Variants in SERPINE3 observed in about 807,000 individuals in gnomAD.
SERPINE3 encodes serpin E3.
A neutral mutation model predicts 41.7 loss-of-function variants in SERPINE3; 43 were observed. The observed-to-expected ratio is 1.03, with a 90% CI of 0.81 to 1.33. The LOEUF is 1.33. Among genes scored for constraint, SERPINE3 ranks in the 40% most tolerant of loss-of-function variants. SERPINE3 has a pLI of 0.00. For missense variants in SERPINE3, 440 were observed against 491.7 expected (o/e 0.89, Z 0.99); for synonymous variants, 200 against 192.2 (o/e 1.04, Z -0.34).
At chr13:51,358,309 C>A (rs1955512217) in intron 7 of SERPINE3, among the ~76,000 whole-genome samples, 2 of 152,090 alleles carry the variant, frequency 1.3e-5, no homozygotes, top group African/African-American at 4.8e-5. Flanking sequence ...AAAGAAACAG[C>A]AAATGATATG....
intron 7 of SERPINE3, among the ~76,000 whole-genome samples, chr13:51,360,523 A>T (rs137983002): frequency 5.3e-5 from 8 of 152,172 alleles, no homozygotes; most frequent in African/African-American, 1.2e-4. Flanking sequence ...CTGTTTAAAA[A>T]TGGTTAATGA....
chr13:51,360,076 G>A (rs192873030), intron 7 of SERPINE3, among the ~76,000 whole-genome samples: 3 of 152,036 alleles, frequency 2.0e-5, no homozygotes, highest in Non-Finnish European at 2.9e-5. Flanking sequence ...TTACAAGATG[G>A]ATGGAATGCC....
At position 51,341,268 on chromosome 13, in the gene SERPINE3, C is replaced by T. The variant is rs1337837775; in HGVS notation, c.177C>T (p.Leu59=). Residue 59 remains leucine (L), a synonymous_variant, in exon 3 of 10, where the codon CTC becomes CTT. Transcript: ENST00000681248. ...TCATCTCTCCTGCTGGTGTGTCCCT[C>T]CCCCTGGAGATCCTGCAGTTTGGAG... ...NFVISPAGVS[L]PLEILQFGAE... 5.0e-6 allele frequency: 8 copies of T among 1,613,968 alleles called. No individual in the cohort carries two copies. The highest frequency in any genetic ancestry group is 6.8e-6 in the Non-Finnish European group (8 of 1,179,846).
At chr13:51,364,142 T>C (rs1027531477) in intron 9 of SERPINE3, 97 bp from the exon 10 acceptor site, 2 of 538,074 alleles carry the variant, frequency 3.7e-6, no homozygotes, top group East Asian at 3.2e-5. Flanking sequence ...AAATGTTATC[T>C]TGCATTACTT....
chr13:51,350,665 T>C (rs977520816), intron 6 of SERPINE3, among the ~76,000 whole-genome samples: 9 of 152,126 alleles, frequency 5.9e-5, no homozygotes, highest in Admixed American at 5.9e-4. Context: ...ATTATAAAAT[T>C]CACCATTTTA....
rs749290418 is a variant in SERPINE3 at position 51,341,052 on chromosome 13, C to A, written c.-17-23C>A. Reference sequence around the variant, plus strand: ...CATCACCAGCTTCCAGCCTACCCTGCATCTCTTCCCTCTGAATTGCAGGAA... The same window carrying A: ...CATCACCAGCTTCCAGCCTACCCTGAATCTCTTCCCTCTGAATTGCAGGAA... On this transcript the variant is annotated intron_variant, in intron 2 of 9. Coordinates refer to ENST00000681248, the MANE Select transcript of SERPINE3 (RefSeq NM_001386375.1). 3.1e-6 allele frequency: 5 copies of A among 1,601,512 alleles called. No homozygotes were observed. In the South Asian group the frequency reaches 5.6e-5, roughly 18 times the overall value.
At position 51,348,380 on chromosome 13, in the gene SERPINE3, A is replaced by C; in HGVS notation, c.868A>C (p.Arg290=). Residue 290 remains arginine (R), a synonymous_variant, in exon 6 of 10, where the codon AGG becomes CGG. Transcript: ENST00000681248. ...STIHLWTTSL[R]RARMDVFLPR... is the part of the protein sequence containing the mutation. ...CATCCACCTCTGGACCACCAGCCTG[A>C]GGAGAGCCAGGATGGATGTGTTCCT... The C allele has an allele frequency of 3.1e-6, 5 of 1,613,858 alleles. No individual in the cohort carries two copies.
intron 6 of SERPINE3, among the ~76,000 whole-genome samples, chr13:51,350,095 G>A (rs1955390079): frequency 6.6e-6 from 1 of 152,072 alleles, no homozygotes; most frequent in South Asian, 2.1e-4. Flanking sequence ...CTTTTAGTAT[G>A]ACTTGCTCTG....
intron 3 of SERPINE3, among the ~76,000 whole-genome samples, chr13:51,343,381 T>A (rs1454591259): frequency 6.6e-6 from 1 of 152,204 alleles, no homozygotes; most frequent in African/African-American, 2.4e-5. Flanking sequence ...GACTCACCAG[T>A]GGGCAAGAGC....
intron 4 of SERPINE3, among the ~76,000 whole-genome samples, chr13:51,345,592 CAAAAAAAAAAAA>C (rs753888958): frequency 5.4e-5 from 2 of 37,018 alleles, no homozygotes; most frequent in Admixed American, 3.1e-4. Context: ...GATTTCATCT[CAAAAAAAAAAAA>C]AAAAAAAAAA....
At chr13:51,361,430 G>C (rs1955572954) in intron 8 of SERPINE3, 66 bp downstream of exon 8, 2 of 958,994 alleles carry the variant, frequency 2.1e-6, no homozygotes, top group African/African-American at 3.2e-5. Context: ...TTACCTAGTT[G>C]AATCTTCACA....
intron 4 of SERPINE3, 22 bp downstream of exon 4, chr13:51,344,507 CA>C: frequency 6.5e-7 from 1 of 1,531,384 alleles, no homozygotes; most frequent in Non-Finnish European, 8.9e-7. Flanking sequence ...CTGTACATTT[CA>C]ACAAGGCTAA....
At chr13:51,362,012 C>T (rs538467855) in intron 9 of SERPINE3, 119 bp downstream of exon 9, 38 of 1,606,864 alleles carry the variant, frequency 2.4e-5, no homozygotes, top group Middle Eastern at 1.7e-4. Flanking sequence ...TTTTATGGTG[C>T]TTCAGAAGCT....
chr13:51,345,884 C>T (rs1041796958), intron 4 of SERPINE3, among the ~76,000 whole-genome samples: 2 of 152,192 alleles, frequency 1.3e-5, no homozygotes, highest in African/African-American at 4.8e-5. Flanking sequence ...CTCAGTTGCT[C>T]AGAGCACAGA....
Position 51,348,213 on chromosome 13 carries a change from G to A in SERPINE3, c.701G>A (p.Gly234Asp). The change falls in exon 6 of 10, where the codon GGT (glycine) becomes GAT (aspartate). Residue 234 changes from glycine (G) to aspartate (D), a missense_variant and splice_region_variant. Transcript: ENST00000681248. The stretch of plus-strand genomic sequence containing the variant: ...GACCTCTGATCCACTGTACCCTCAG[G>A]TCAGTTCCAGGACACTGCAGGCCAT... ...MMHQTTEVNY[G>D]QFQDTAGHQV... 5 of 1,581,498 alleles carry A rather than the reference G, an allele frequency of 3.2e-6. No homozygotes were observed. The South Asian group carries it at 4.6e-5, about 15-fold the overall frequency.
At chr13:51,343,395 C>A (rs529535531) in intron 3 of SERPINE3, among the ~76,000 whole-genome samples, 1 of 152,162 alleles carries the variant, frequency 6.6e-6, no homozygotes, top group Non-Finnish European at 1.5e-5. Flanking sequence ...CAAGAGCCCT[C>A]GTTCCAGCTA....
At chr13:51,344,552 C>A in intron 4 of SERPINE3, 67 bp downstream of exon 4, 3 of 1,314,872 alleles carry the variant, frequency 2.3e-6, no homozygotes, top group South Asian at 1.3e-5. Context: ...TCTCACCCAT[C>A]ACTTGTCAGA....
intron 6 of SERPINE3, among the ~76,000 whole-genome samples, chr13:51,352,569 T>A (rs1037515428): frequency 2.0e-5 from 3 of 152,018 alleles, no homozygotes; most frequent in Admixed American, 2.0e-4. Flanking sequence ...CTAACCTGGA[T>A]GCCTTCTATT....
intron 4 of SERPINE3, among the ~76,000 whole-genome samples, chr13:51,344,968 A>G (rs1490650285): frequency 3.4e-5 from 5 of 146,202 alleles, no homozygotes; most frequent in Non-Finnish European, 5.9e-5. Flanking sequence ...TATTGAAGAA[A>G]GAGACTTACA....
Sources: gnomAD v4.1 joint callset for allele counts (sites outside exome capture counted in the v4.1 genomes callset) on GRCh38, gnomAD v4.1.1 for gene constraint, MANE v1.5 for transcripts, NCBI Gene and HGNC (gene_info 2026-07-23, HGNC 2026-07-21) for gene names.